ZC3HAV1: variants seen among roughly 807,000 people sequenced by gnomAD.
ZC3HAV1 encodes zinc finger CCCH-type antiviral protein 1.
In ZC3HAV1, 41 loss-of-function variants were observed where a neutral mutation model predicts 86.6. The ratio of observed to expected loss-of-function variants is 0.47; its 90% CI spans 0.37 to 0.61. The LOEUF (loss-of-function observed/expected upper bound fraction) is 0.61, where lower values mean the gene tolerates loss of function less well. ZC3HAV1 is among the 20% of genes least tolerant of loss of function. ZC3HAV1 has a pLI of 0.00. For synonymous variants in ZC3HAV1, 421 were observed against 432.1 expected (o/e 0.97, Z 0.32); for missense variants, 964 against 1,141.1 (o/e 0.84, Z 2.24).
intron 1 of ZC3HAV1, among the ~76,000 whole-genome samples, chr7:139,091,059 G>C (rs1421528591): frequency 6.6e-6 from 1 of 152,082 alleles, no homozygotes; most frequent in African/African-American, 2.4e-5. Context: ...TGATAAGGTC[G>C]ACCTCAGCTT....
chr7:139,076,891 CAA>C (rs372747341), intron 5 of ZC3HAV1, among the ~76,000 whole-genome samples: 1 of 129,740 alleles, frequency 7.7e-6, no homozygotes. Flanking sequence ...AATTCTGTCT[CAA>C]AAAAAAAAAA....
At position 139,055,340 on chromosome 7, in the gene ZC3HAV1, G is replaced by T. The variant is rs773973479; in HGVS notation, c.2097-45C>A. 2.0e-6 allele frequency: 3 copies of T among 1,534,200 alleles called. No homozygotes were observed. The African/African-American group carries it at 4.1e-5, about 21-fold the overall frequency. Reference sequence around the variant, plus strand: ...ATTCACTTAACTCTCTGCTCCACAGGCCCAAGTGATGTTTTCTCTTAACTT... The same window carrying T: ...ATTCACTTAACTCTCTGCTCCACAGTCCCAAGTGATGTTTTCTCTTAACTT... On this transcript the variant is annotated intron_variant, in intron 9 of 12. Coordinates refer to ENST00000242351, the MANE Select transcript of ZC3HAV1 (RefSeq NM_020119.4).
At chr7:139,068,708 T>C (rs1367075098) in intron 7 of ZC3HAV1, among the ~76,000 whole-genome samples, 2 of 152,180 alleles carry the variant, frequency 1.3e-5, no homozygotes, top group African/African-American at 2.4e-5. Context: ...ACACCGACCT[T>C]CTCTAGCCTC....
At position 139,044,181 on chromosome 7, in the gene ZC3HAV1, T is replaced by C. The variant is rs1432907405; in HGVS notation, c.*3413A>G. ...TTTGTCTTGTCCTATTATCCTTAAGTAAGGTAATTTCGCTCTTTCTTTTCC... is the reference window on the plus strand; with the variant it reads ...TTTGTCTTGTCCTATTATCCTTAAGCAAGGTAATTTCGCTCTTTCTTTTCC... On this transcript the variant is annotated 3_prime_UTR_variant, in exon 13 of 13. Transcript: ENST00000242351. 6.6e-6 allele frequency: 1 copy of C among 152,232 alleles called. No homozygotes were observed. The highest frequency in any genetic ancestry group is 2.4e-5 in the African/African-American group (1 of 41,464). 9.4% of individuals were successfully genotyped at this position (152,232 alleles called of 1,614,324 possible). A position where few individuals can be genotyped will look rare whatever the true frequency, so the allele number is the denominator to read the frequency against.
chr7:139,049,140 T>TCG (rs1274023059), intron 12 of ZC3HAV1, among the ~76,000 whole-genome samples: 1,749 of 110,756 alleles, frequency 0.016, 13 homozygotes, highest in Middle Eastern at 0.04. Context: ...TTTTTTTTTT[T>TCG]TTTCGTTGTT....
In ZC3HAV1 at chr7:139,054,104, G is replaced by A. The variant is rs1816214680; in HGVS notation, c.2188-9C>T. 6.4e-7 allele frequency: 1 copy of A among 1,556,464 alleles called. No homozygotes were observed. Among genetic ancestry groups the A allele is most frequent in the Non-Finnish European group, 8.6e-7 (1 of 1,159,758 alleles). On this transcript the variant is annotated splice_polypyrimidine_tract_variant and intron_variant, in intron 10 of 12. Coordinates refer to ENST00000242351, the MANE Select transcript of ZC3HAV1 (RefSeq NM_020119.4). ...TGATGGATCTCTGACAACTAATAAA[G>A]TTTAAAAATAGATAAATGTGAAATA...
At chr7:139,055,830 C>A (rs1816266844) in intron 9 of ZC3HAV1, among the ~76,000 whole-genome samples, 1 of 152,042 alleles carries the variant, frequency 6.6e-6, no homozygotes, top group African/African-American at 2.4e-5. Context: ...ATTAGAAAAC[C>A]ACCATTTGGC....
intron 7 of ZC3HAV1, among the ~76,000 whole-genome samples, chr7:139,066,040 A>C (rs1483513344): frequency 6.6e-6 from 1 of 152,190 alleles, no homozygotes; most frequent in Non-Finnish European, 1.5e-5. Context: ...AGCAAGGGGC[A>C]GGCTAGGCTA....
intron 1 of ZC3HAV1, among the ~76,000 whole-genome samples, chr7:139,102,728 TACACACACACAC>T (rs113108708): frequency 6.9e-4 from 96 of 139,416 alleles, no homozygotes; most frequent in African/African-American, 1.8e-3. Context: ...ACTGTCTCTA[TACACACACACAC>T]ACACACACAC....
intron 2 of ZC3HAV1, among the ~76,000 whole-genome samples, chr7:139,085,136 A>G (rs949493415): frequency 2.0e-5 from 3 of 152,202 alleles, no homozygotes; most frequent in Non-Finnish European, 2.9e-5. Context: ...GCACTTGCCC[A>G]TATCTATAGA....
chr7:139,097,413 TATATA>T (rs1563140574), intron 1 of ZC3HAV1, among the ~76,000 whole-genome samples: 57 of 80,220 alleles, frequency 7.1e-4, no homozygotes, highest in South Asian at 1.0e-3. Flanking sequence ...TATATATATA[TATATA>T]TATATATATA....
intron 1 of ZC3HAV1, among the ~76,000 whole-genome samples, chr7:139,102,726 TATACACACACACACACACAC>T (rs1817809454): frequency 1.6e-5 from 2 of 125,016 alleles, no homozygotes; most frequent in African/African-American, 7.0e-5. Flanking sequence ...ACACTGTCTC[TATACACACACACACACACAC>T]ACACACACAC....
intron 3 of ZC3HAV1, among the ~76,000 whole-genome samples, chr7:139,082,734 A>T (rs546998017): frequency 7.2e-5 from 11 of 152,314 alleles, no homozygotes; most frequent in African/African-American, 2.4e-4. Context: ...GAAAAGGATA[A>T]ATATTGTACG....
At chr7:139,091,419 G>A (rs571898332) in intron 1 of ZC3HAV1, among the ~76,000 whole-genome samples, 1 of 152,156 alleles carries the variant, frequency 6.6e-6, no homozygotes, top group South Asian at 2.1e-4. Context: ...AGTGAGCCGA[G>A]ATCGCGCCAC....
intron 1 of ZC3HAV1, among the ~76,000 whole-genome samples, chr7:139,092,309 A>T (rs1178614572): frequency 1.3e-5 from 2 of 152,210 alleles, no homozygotes; most frequent in Admixed American, 1.3e-4. Context: ...GCCAAGATGG[A>T]GTCTGTCTGG....
chr7:139,092,601 G>A (rs1426075906), intron 1 of ZC3HAV1, among the ~76,000 whole-genome samples: 1 of 152,180 alleles, frequency 6.6e-6, no homozygotes, highest in Non-Finnish European at 1.5e-5. Context: ...CCTGAAGTCA[G>A]CACTTCCTCT....
chr7:139,109,332 G>A lies in ZC3HAV1; in HGVS notation c.-1C>T. The A allele has an allele frequency of 6.3e-7, 1 of 1,578,594 alleles. No homozygotes were observed. The highest frequency in any genetic ancestry group is 8.6e-7 in the Non-Finnish European group (1 of 1,161,276). ...AGCAGCACACCTCCGGGTCCGCCAT[G>A]GCGCGCTGGCTGTGCTGGCTCTGCC... On this transcript the variant is annotated 5_prime_UTR_variant, in exon 1 of 13. Transcript: ENST00000242351.
Position 139,080,240 on chromosome 7 carries a change from G to A in ZC3HAV1, c.701C>T (p.Pro234Leu), listed in dbSNP as rs1417476372. 1 of 1,613,084 alleles carries A rather than the reference G, an allele frequency of 6.2e-7. No homozygotes were observed. The highest frequency in any genetic ancestry group is 1.3e-5 in the African/African-American group (1 of 74,078). The change falls in exon 4 of 13, where the codon CCT becomes CTT. Residue 234 changes from proline (P) to leucine (L), a missense_variant. By Grantham distance (98) the Pro-to-Leu change is moderately conservative. Transcript: ENST00000242351. ...TGCCATGTTTCTACGATGTGAAGAAGGAGCTAAGGGGAAAAAAAGCCAAAA... is the reference window on the plus strand; with the variant it reads ...TGCCATGTTTCTACGATGTGAAGAAAGAGCTAAGGGGAAAAAAAGCCAAAA... The part of the protein sequence containing the change: ...MQKNPPGPRA[P>L]SSHRRNMAYR...
At chr7:139,078,164 AG>A (rs1817010210) in intron 5 of ZC3HAV1, among the ~76,000 whole-genome samples, 1 of 152,120 alleles carries the variant, frequency 6.6e-6, no homozygotes, top group Non-Finnish European at 1.5e-5. Flanking sequence ...ACTTGAACCC[AG>A]GGGGCAGAGG....
Sources: allele counts gnomAD v4.1 joint callset (sites outside exome capture counted in the v4.1 genomes callset), GRCh38; gene constraint gnomAD v4.1.1; transcripts MANE v1.5; gene names NCBI Gene and HGNC (gene_info 2026-07-23, HGNC 2026-07-21).